ZDHHC11: variants seen among roughly 807,000 people sequenced by gnomAD.
The protein encoded by ZDHHC11 is palmitoyltransferase ZDHHC11.
ZDHHC11 carries 44 observed loss-of-function variants against 51.3 expected under a neutral mutation model. That is an observed-to-expected ratio of 0.86 (90% CI 0.67 to 1.10). The LOEUF is 1.10. ZDHHC11 is among the 50% of genes least tolerant of loss of function. The probability of loss-of-function intolerance (pLI) is 0.00; values close to 1 mark genes in which losing one functional copy is unlikely to be tolerated. For synonymous variants in ZDHHC11, 163 were observed against 222.0 expected (o/e 0.73, Z 2.36); for missense variants, 400 against 537.7 (o/e 0.74, Z 2.53).
chr5:844,679 G>A (rs1442267426), intron 3 of ZDHHC11, among the ~76,000 whole-genome samples: 10 of 152,304 alleles, frequency 6.6e-5, no homozygotes, highest in Non-Finnish European at 1.5e-4. Context: ...CTGGATCTCT[G>A]CACCCAAAGG....
At position 848,735 on chromosome 5, in the gene ZDHHC11, C is replaced by G. The variant is rs540850846; in HGVS notation, c.223-75G>C. 548 of 1,571,766 alleles carry G rather than the reference C, an allele frequency of 3.5e-4. 2 individuals carry two copies. The African/African-American group carries it at 5.4e-3, about 15-fold the overall frequency. On this transcript the variant is annotated intron_variant, in intron 1 of 12. Coordinates refer to ENST00000283441, the MANE Select transcript of ZDHHC11 (RefSeq NM_024786.3). ...AGGCGTCCCCGTGAGGCCCAAGGGC[C>G]CAGAAGAGGCGTGGCCGCTGGTCAG...
At chr5:844,527 G>A (rs11739265) in intron 3 of ZDHHC11, among the ~76,000 whole-genome samples, 53 of 151,462 alleles carry the variant, frequency 3.5e-4, no homozygotes, top group East Asian at 3.5e-3. Flanking sequence ...AGGAGCACGC[G>A]GGCTCGGTCC....
chr5:854,573 G>A (rs1389738973), upstream of ZDHHC11, among the ~76,000 whole-genome samples: 1 of 149,984 alleles, frequency 6.7e-6, no homozygotes, highest in East Asian at 2.0e-4. Flanking sequence ...AGTGAGCCAG[G>A]GGTCACAGAT....
In ZDHHC11 at chr5:837,399, T is replaced by A. The variant is rs1484245192; in HGVS notation, c.866A>T (p.Asp289Val). ...ESSKHQAVRK[D>V]PYVQMDKGVL... ...TCCTTTGTCCATTTGCACGTATGGA[T>A]CTTTCCTCACTGCTTGATGTTTTGA... Residue 289 changes from aspartate to valine, a missense_variant, in exon 6 of 13, where the codon GAT (aspartate) becomes GTT (valine). Around this residue, in one of 5 missense-constraint regions of ZDHHC11, gnomAD observed 231 missense variants for 227.4 expected, o/e 1.02. Transcript: ENST00000283441. The A allele has an allele frequency of 6.2e-7, 1 of 1,613,626 alleles. No individual in the cohort carries two copies. The highest frequency in any genetic ancestry group is 1.7e-5 in the Admixed American group (1 of 60,022).
rs1182178104 is a variant in ZDHHC11, at chr5:843,947, C to T, written c.504-223G>A. ...CATCTGAGGCAGGGGCGGGGGCATG[C>T]AGGGCAGGTGGGGGGTGCAGAGGCA... is the stretch of plus-strand genomic sequence containing the variant. On this transcript the variant is annotated intron_variant, in intron 3 of 12. Transcript: ENST00000283441. Among the ~76,000 whole-genome samples, 433 of 78,062 alleles carry T rather than the reference C, an allele frequency of 5.5e-3. 4 individuals carry two copies. Among genetic ancestry groups the T allele is most frequent in the African/African-American group, 0.023 (145 of 6,264 alleles). The allele number at this position is 78,062 out of a possible 152,430, so 51.2% of individuals were successfully genotyped here.
chr5:808,639 G>A lies in ZDHHC11; in HGVS notation c.1181+6122C>T, dbSNP rs201435253. Reference sequence around the variant, plus strand: ...CAACCTTCACCTCCCAGGTTCAAGCGATTCTCCTGCCTCAGCCTCCCGAGG... The same window carrying A: ...CAACCTTCACCTCCCAGGTTCAAGCAATTCTCCTGCCTCAGCCTCCCGAGG... On this transcript the variant is annotated intron_variant, in intron 11 of 12. Coordinates refer to ENST00000283441, the MANE Select transcript of ZDHHC11 (RefSeq NM_024786.3). 5.4e-5 allele frequency among the ~76,000 whole-genome samples: 8 copies of A among 148,016 alleles called. No homozygotes were observed. In the East Asian group the frequency reaches 1.2e-3, roughly 22 times the overall value.
At chr5:821,836 A>T (rs752925250) in intron 9 of ZDHHC11, 25 bp downstream of exon 9, 1 of 1,589,624 alleles carries the variant, frequency 6.3e-7, no homozygotes, top group South Asian at 1.1e-5. Context: ...TAGATAAAAT[A>T]ATCCCATTAA....
At chr5:818,285 G>GA (rs1741088238) in intron 10 of ZDHHC11, among the ~76,000 whole-genome samples, 1 of 151,648 alleles carries the variant, frequency 6.6e-6, no homozygotes, top group African/African-American at 2.4e-5. Context: ...CACATGGAGT[G>GA]AGGGAACGTT....
At chr5:799,121 G>C (rs1446405538) in intron 12 of ZDHHC11, among the ~76,000 whole-genome samples, 1 of 151,964 alleles carries the variant, frequency 6.6e-6, no homozygotes, top group Non-Finnish European at 1.5e-5. Flanking sequence ...CTCATAGGAC[G>C]TGTTTGTGTC....
rs140282891 is a variant in ZDHHC11, at chr5:817,544, G to A, written c.1146+1981C>T. ...TTGAAACAGACCTTCTGCCTGTTAC[G>A]TTTTGTGCTCTTAACCAATTTAAGA... On this transcript the variant is annotated intron_variant, in intron 10 of 12. Coordinates refer to ENST00000283441, the MANE Select transcript of ZDHHC11 (RefSeq NM_024786.3). Among the ~76,000 whole-genome samples, 75 of 151,422 alleles carry A rather than the reference G, an allele frequency of 5.0e-4. 1 individual carries two copies. The highest frequency in any genetic ancestry group is 1.6e-3 in the African/African-American group (68 of 41,342).
chr5:850,856 G>A lies in ZDHHC11; in HGVS notation c.-254C>T, dbSNP rs1057112895. 33 of 584,980 alleles carry A rather than the reference G, an allele frequency of 5.6e-5. No homozygotes were observed. The highest frequency in any genetic ancestry group is 8.4e-5 in the Non-Finnish European group (28 of 331,958). The allele number at this position is 584,980 out of a possible 1,614,324, so 36.2% of individuals were successfully genotyped here. A position where few individuals can be genotyped will look rare whatever the true frequency, so the allele number is the denominator to read the frequency against. The stretch of plus-strand genomic sequence containing the variant: ...ACCCCGGCCAGAGCCGAGTGGCAAC[G>A]GAAAACGGCTCTCCAGGGTGTGGAG... On this transcript the variant is annotated 5_prime_UTR_variant, in exon 1 of 13. Transcript: ENST00000283441.
chr5:855,609 G>GC (rs1748099297), upstream of ZDHHC11, among the ~76,000 whole-genome samples: 1 of 145,828 alleles, frequency 6.9e-6, no homozygotes. Flanking sequence ...GAGCAGCGGG[G>GC]ACAGACCCCA....
chr5:860,002 C>T (rs927558352), upstream of ZDHHC11, among the ~76,000 whole-genome samples: 116 of 152,234 alleles, frequency 7.6e-4, no homozygotes, highest in African/African-American at 2.7e-3. This position sits in a 1 kb window ranked among gnomAD's most constrained non-coding sequence, Gnocchi z 4.2. Context: ...GAGTCGTCCA[C>T]AGTCAGGGGC....
chr5:838,261 C>T (rs1302808884), intron 5 of ZDHHC11, among the ~76,000 whole-genome samples: 1 of 152,000 alleles, frequency 6.6e-6, no homozygotes, highest in Admixed American at 6.6e-5. Context: ...ACCTGATACA[C>T]CCGTTTATCT....
At chr5:856,637 C>G (rs1035582009) in intron 1 of ZDHHC11, among the ~76,000 whole-genome samples, 1 of 151,588 alleles carries the variant, frequency 6.6e-6, no homozygotes, top group African/African-American at 2.4e-5. Context: ...AACACACACA[C>G]CAAACACACC....
intron 7 of ZDHHC11, among the ~76,000 whole-genome samples, chr5:828,052 G>C (rs1430318372): frequency 6.6e-6 from 1 of 151,326 alleles, no homozygotes; most frequent in African/African-American, 2.4e-5. Context: ...GCACAGGGTT[G>C]GGGGTAAGGT....
intron 1 of ZDHHC11, among the ~76,000 whole-genome samples, chr5:848,917 A>G (rs1164381524): frequency 7.5e-6 from 1 of 134,142 alleles, no homozygotes; most frequent in East Asian, 2.0e-4. Context: ...AGCCCTGCAC[A>G]GCCAGCCCTG....
chr5:859,516 G>A (rs1309335387), upstream of ZDHHC11, among the ~76,000 whole-genome samples: 1 of 152,188 alleles, frequency 6.6e-6, no homozygotes, highest in Non-Finnish European at 1.5e-5. Flanking sequence ...TGCGACCCCA[G>A]AGTACTCAGC....
chr5:818,763 A>G (rs1197127071), intron 10 of ZDHHC11, among the ~76,000 whole-genome samples: 30 of 151,640 alleles, frequency 2.0e-4, no homozygotes, highest in African/African-American at 7.2e-4. Flanking sequence ...CGGGAGGCTG[A>G]GGTGGGAAGA....
Sources: gnomAD v4.1 joint callset for allele counts (sites outside exome capture counted in the v4.1 genomes callset) on GRCh38, gnomAD v4.1.1 for gene constraint, gnomAD v4.1.1 regional missense constraint, Gnocchi (gnomAD v3.1) non-coding constraint, MANE v1.5 for transcripts, NCBI Gene and HGNC (gene_info 2026-07-23, HGNC 2026-07-21) for gene names.